CABIN1: variants seen among roughly 807,000 people sequenced by gnomAD.
The protein encoded by CABIN1 is calcineurin binding protein 1.
Under a neutral mutation model 227.7 loss-of-function variants are expected in CABIN1, and 133 were observed. The ratio of observed to expected loss-of-function variants is 0.58; its 90% confidence interval spans 0.51 to 0.67. CABIN1 has a LOEUF of 0.67. Among genes scored for constraint, CABIN1 ranks in the 30% least tolerant of loss-of-function variants. The pLI, the probability that CABIN1 is intolerant of heterozygous loss-of-function variation, is 0.00. For missense variants in CABIN1, 2,408 were observed against 2,852.5 expected (o/e 0.84, Z 3.55); for synonymous variants, 1,086 against 1,155.1 (o/e 0.94, Z 1.21).
chr22:24,149,360 C>T (rs2045349309), intron 29 of CABIN1, among the ~76,000 whole-genome samples: 1 of 152,216 alleles, frequency 6.6e-6, no homozygotes, highest in African/African-American at 2.4e-5. Context: ...CACGTGAGAA[C>T]ACTCTGGGAA....
chr22:24,134,441 C>T (rs776147581), intron 29 of CABIN1, 26 bp downstream of exon 29: 5 of 1,581,524 alleles, frequency 3.2e-6, no homozygotes, highest in Non-Finnish European at 4.3e-6. Flanking sequence ...TGTTGATTTC[C>T]AAGGCTGTTT....
intron 1 of CABIN1, among the ~76,000 whole-genome samples, chr22:24,028,696 A>G (rs191702914): frequency 2.1e-3 from 316 of 152,244 alleles, no homozygotes; most frequent in African/African-American, 5.9e-3. Flanking sequence ...TTTGTTCTGC[A>G]CAGGAAGCAC....
intron 4 of CABIN1, among the ~76,000 whole-genome samples, chr22:24,039,343 A>C (rs1323021868): frequency 1.3e-5 from 2 of 152,118 alleles, no homozygotes; most frequent in African/African-American, 2.4e-5. Flanking sequence ...GATGAGATAG[A>C]ATACTGAGTT....
In CABIN1 at chr22:24,070,824, T is replaced by C. The variant is rs1310978505; in HGVS notation, c.2257T>C (p.Tyr753His). ...GGACTCCTTGCTCCGGCTGAAGGAC[T>C]ATCGGCAGTGTTTTGAGTGTTCCGA... ...LQDSLLRLKD[Y>H]RQCFECSDVA... is the part of the protein sequence containing the mutation. Residue 753 changes from tyrosine to histidine, a missense_variant, in exon 17 of 37, where the codon TAT becomes CAT. Around this residue, in one of 3 missense-constraint regions of CABIN1, gnomAD observed 1,045 missense variants for 1,168.4 expected, o/e 0.89. Coordinates refer to ENST00000263119, the MANE Select transcript of CABIN1 (RefSeq NM_012295.4). 3 of 1,614,136 alleles carry C rather than the reference T, an allele frequency of 1.9e-6. No individual in the cohort carries two copies. The highest frequency in any genetic ancestry group is 2.5e-6 in the Non-Finnish European group (3 of 1,180,048).
chr22:24,165,401 T>G, intron 30 of CABIN1, 129 bp from the exon 31 acceptor site: 1 of 851,648 alleles, frequency 1.2e-6, no homozygotes. Context: ...CCCAAACAGG[T>G]GGTTAGGTGG....
intron 29 of CABIN1, among the ~76,000 whole-genome samples, chr22:24,141,904 T>C (rs578195070): frequency 6.6e-6 from 1 of 152,302 alleles, no homozygotes; most frequent in South Asian, 2.1e-4. Context: ...CCCTGGAGCC[T>C]GAGTGCTCAC....
intron 33 of CABIN1, 133 bp downstream of exon 33, chr22:24,168,654 G>A (rs2046601964): frequency 2.5e-6 from 2 of 790,924 alleles, no homozygotes; most frequent in Non-Finnish European, 2.2e-6. Context: ...GGGGAGATGA[G>A]CAGGGGGCAG....
At chr22:24,123,914 C>G (rs569991652) in intron 28 of CABIN1, among the ~76,000 whole-genome samples, 1 of 152,332 alleles carries the variant, frequency 6.6e-6, no homozygotes, top group Non-Finnish European at 1.5e-5. Context: ...TCAAAGGGGC[C>G]CACAAGCAGA....
At chr22:24,040,459 G>T (rs554138948) in intron 4 of CABIN1, among the ~76,000 whole-genome samples, 70 of 152,276 alleles carry the variant, frequency 4.6e-4, no homozygotes, top group African/African-American at 1.2e-3. Context: ...AAATGTTTTA[G>T]TCTTTGTCCT....
Position 24,096,214 on chromosome 22 carries a change from G to A in CABIN1, c.3938+132G>A, listed in dbSNP as rs564685102. ...AAACTAGAACTCATGGAGTCCCTAG[G>A]ACCCATCTGGAAACTCCCATTTGCT... On this transcript the variant is annotated intron_variant, in intron 25 of 36. Coordinates refer to ENST00000263119, the MANE Select transcript of CABIN1 (RefSeq NM_012295.4). The A allele has an allele frequency of 3.8e-5, 40 of 1,041,246 alleles. No individual in the cohort carries two copies. The South Asian group carries it at 4.9e-4, about 13-fold the overall frequency. 64.5% of individuals were successfully genotyped at this position (1,041,246 alleles called of 1,614,324 possible).
intron 14 of CABIN1, 78 bp from the exon 15 acceptor site, chr22:24,063,957 G>A: frequency 1.3e-6 from 2 of 1,568,840 alleles, no homozygotes; most frequent in Non-Finnish European, 1.8e-6. Flanking sequence ...AGTCTAGTGA[G>A]ATAAGTGGTG....
intron 4 of CABIN1, among the ~76,000 whole-genome samples, 177 bp downstream of exon 4, chr22:24,038,638 A>G (rs149123509): frequency 4.0e-4 from 61 of 152,248 alleles, no homozygotes; most frequent in Non-Finnish European, 6.8e-4. Flanking sequence ...TTGAGTTTTT[A>G]TGAGGGTTGA....
At position 24,056,930 on chromosome 22, in the gene CABIN1, C is replaced by T. The variant is rs370745829; in HGVS notation, c.1262+570C>T. Among the ~76,000 whole-genome samples, 7 of 151,772 alleles carry T rather than the reference C, an allele frequency of 4.6e-5. No homozygotes were observed. In the East Asian group the frequency reaches 1.4e-3, roughly 29 times the overall value. ...CCAGTGCTTCTTACTTAGGTTTTCA[C>T]CAGTCCTTCTGCCTTTTTTTTTTTG... On this transcript the variant is annotated intron_variant, in intron 10 of 36. Coordinates refer to ENST00000263119, the MANE Select transcript of CABIN1 (RefSeq NM_012295.4).
chr22:24,133,102 C>A (rs1385139897), intron 28 of CABIN1, among the ~76,000 whole-genome samples: 2 of 152,162 alleles, frequency 1.3e-5, no homozygotes, highest in Non-Finnish European at 2.9e-5. Flanking sequence ...CAGGGTGGGG[C>A]AGGCAGGGGG....
rs776107994 is a variant in CABIN1 at position 24,060,068 on chromosome 22, A to G, written c.1544A>G (p.Tyr515Cys). The G allele has an allele frequency of 3.1e-6, 5 of 1,613,958 alleles. No homozygotes were observed. ...TTGGCGGAGGTCGTGCTCAGCGTCT[A>G]CCACAGCTGGAGGAGGCACAGCACC... The part of the protein sequence containing the change: ...PGLAEVVLSV[Y>C]HSWRRHSTSL... Residue 515 changes from tyrosine (Y) to cysteine (C), a missense_variant, in exon 12 of 37, where the codon TAC becomes TGC. Transcript: ENST00000263119.
In CABIN1 at chr22:24,167,264, T is replaced by A; in HGVS notation, c.5633T>A (p.Leu1878Gln). ...QQGQKGVAYD[L>Q]GRVERIMSET... is the part of the protein sequence containing the mutation. ...GGCCAGAAGGGTGTGGCCTATGACC[T>A]GGGCCGTGTGGAGAGGATCATGTCG... Residue 1878 changes from leucine to glutamine, a missense_variant, in exon 32 of 37, where the codon CTG becomes CAG. Around this residue, in one of 3 missense-constraint regions of CABIN1, gnomAD observed 714 missense variants for 773.8 expected, o/e 0.92. Coordinates refer to ENST00000263119, the MANE Select transcript of CABIN1 (RefSeq NM_012295.4). 6.2e-7 allele frequency: 1 copy of A among 1,613,474 alleles called. No individual in the cohort carries two copies. Among genetic ancestry groups the A allele is most frequent in the Non-Finnish European group, 8.5e-7 (1 of 1,180,004 alleles).
intron 1 of CABIN1, among the ~76,000 whole-genome samples, chr22:24,019,410 G>A (rs139236718): frequency 4.0e-5 from 6 of 151,604 alleles, no homozygotes; most frequent in South Asian, 2.1e-4. Flanking sequence ...GATTACAGGC[G>A]TGAGCCTGTA....
chr22:24,022,043 T>C lies in CABIN1; in HGVS notation c.-75+10676T>C, dbSNP rs114087336. Among the ~76,000 whole-genome samples the C allele has an allele frequency of 9.6e-3, 1,458 of 152,364 alleles. 29 individuals carry two copies. Among genetic ancestry groups the C allele is most frequent in the African/African-American group, 0.033 (1,369 of 41,568 alleles). On this transcript the variant is annotated intron_variant, in intron 1 of 36. Transcript: ENST00000263119. ...ATTGTGCCTTTGTTACATTTAATAC[T>C]TTTGGGCTTGAATTCTACTTTGATG...
intron 6 of CABIN1, among the ~76,000 whole-genome samples, chr22:24,046,176 C>T (rs1030757424): frequency 6.6e-5 from 10 of 152,114 alleles, no homozygotes; most frequent in Middle Eastern, 3.4e-3. Context: ...GTCATCCTGT[C>T]GGTGAGCGCA....
Sources: gnomAD v4.1 joint callset for allele counts (sites outside exome capture counted in the v4.1 genomes callset) on GRCh38, gnomAD v4.1.1 for gene constraint, gnomAD v4.1.1 regional missense constraint, MANE v1.5 for transcripts, NCBI Gene and HGNC (gene_info 2026-07-23, HGNC 2026-07-21) for gene names.